Variants in GPR135 observed in about 807,000 individuals in gnomAD.
GPR135 encodes G-protein coupled receptor 135.
In GPR135, 17 loss-of-function variants were observed where a neutral mutation model predicts 15.0. That is an observed-to-expected ratio of 1.13 (90% CI 0.78 to 1.70). GPR135 has a LOEUF of 1.70. Among genes scored for constraint, GPR135 ranks in the 40% most tolerant of loss-of-function variants. The pLI is 0.00. For synonymous variants in GPR135, 368 were observed against 349.4 expected, an observed-to-expected ratio of 1.05 and a Z score of -0.59; for missense variants, 776 against 727.0, an observed-to-expected ratio of 1.07 and a Z score of -0.78.
intron 6 of GPR135, among the ~76,000 whole-genome samples, chr14:59,454,946 A>G (rs1360063187): frequency 6.6e-6 from 1 of 152,026 alleles, no homozygotes. Context: ...CTAAAATACA[A>G]AAAATTAGCC....
At chr14:59,456,220 T>TA (rs138733432), downstream of GPR135, among the ~76,000 whole-genome samples, 159 of 150,448 alleles carry the variant, frequency 1.1e-3, no homozygotes, top group Non-Finnish European at 1.6e-3. Flanking sequence ...CCTAATGAGT[T>TA]AAAAAAAAAC....
downstream of GPR135, among the ~76,000 whole-genome samples, chr14:59,459,797 C>T (rs150771399): frequency 5.9e-5 from 9 of 152,222 alleles, no homozygotes; most frequent in African/African-American, 7.2e-5. Flanking sequence ...TGAGAGATTA[C>T]GGCATGCTTA....
At position 59,464,008 on chromosome 14, in the gene GPR135, G is replaced by C. The variant is rs202021630; in HGVS notation, c.1219C>G (p.Arg407Gly). The change falls in exon 1 of 1, where the codon CGG becomes GGG. Residue 407 changes from arginine to glycine, a missense_variant. Coordinates refer to ENST00000395116, the MANE Select transcript of GPR135 (RefSeq NM_022571.6). ...AGGAAAGCGTCCACATTCCTAGTCC[G>C]GTAGCCCTCCTCGCGGTTGCGCCCT... is the stretch of plus-strand genomic sequence containing the variant. ...LLGRNREEGYRTRNVDAFLPS... is the reference protein window; with the variant it reads ...LLGRNREEGYGTRNVDAFLPS... 1.5e-5 allele frequency: 24 copies of C among 1,613,862 alleles called. No homozygotes were observed. The East Asian group carries it at 5.1e-4, about 34-fold the overall frequency.
rs1888860251 is a variant in GPR135 at position 59,461,606 on chromosome 14, TC to T, written c.*2135del. 6.6e-6 allele frequency: 1 copy of T among 152,174 alleles called. No homozygotes were observed. Among genetic ancestry groups the T allele is most frequent in the African/African-American group, 2.4e-5 (1 of 41,444 alleles). The allele number at this position is 152,174 out of a possible 1,614,324, so 9.4% of individuals were successfully genotyped here. ...TTGTCACTTCCAATCTCTCAGATTT[TC>T]CCTTCACTCACCAGGTAGGTTTATT... On this transcript the variant is annotated 3_prime_UTR_variant, in exon 1 of 1. Coordinates refer to ENST00000395116, the MANE Select transcript of GPR135 (RefSeq NM_022571.6).
rs1463781936 is a variant in GPR135, at chr14:59,464,384, C to T, written c.843G>A (p.Leu281=). ...AQLGAAFSVG[L]VVACYLLPFL... ...AGGGCAGCAGGTAGCAGGCCACCAC[C>T]AGCCCCACGCTGAAGGCCGCGCCCA... The change falls in exon 1 of 1, where the codon CTG becomes CTA. Residue 281 remains leucine (L), a synonymous_variant. Transcript: ENST00000395116. 1.2e-6 allele frequency: 2 copies of T among 1,604,472 alleles called. No individual in the cohort carries two copies. The highest frequency in any genetic ancestry group is 4.5e-5 in the East Asian group (2 of 44,538).
Position 59,464,851 on chromosome 14 carries a change from C to A in GPR135, c.376G>T (p.Gly126Trp), listed in dbSNP as rs146719874. The A allele has an allele frequency of 1.0e-4, 166 of 1,603,286 alleles. 2 individuals are homozygous for A. Among genetic ancestry groups the A allele is most frequent in the Non-Finnish European group, 1.3e-4 (149 of 1,175,296 alleles). Residue 126 changes from glycine to tryptophan, a missense_variant, in exon 1 of 1, where the codon GGG (glycine) becomes TGG (tryptophan). Gly to Trp is a radical substitution (Grantham distance 184). Coordinates refer to ENST00000395116, the MANE Select transcript of GPR135 (RefSeq NM_022571.6). ...LSSLGNCAVM[G>W]VIVKHRQLRT... ...AGCTGCCGGTGCTTCACAATCACCC[C>A]CATCACCGCGCAGTTGCCAAGGCTA... is the stretch of plus-strand genomic sequence containing the variant.
At position 59,464,937 on chromosome 14, in the gene GPR135, A is replaced by AGCAGCGGCGCCGCCTCCGGGC; in HGVS notation, c.269_289dup (p.Leu96_Leu97insArgProGluAlaAlaProLeu). On this transcript the variant is annotated inframe_insertion, in exon 1 of 1. Transcript: ENST00000395116. ...GGCCGCCACTGCAGCTCCGTGCGAC[A>AGCAGCGGCGCCGCCTCCGGGC]GCAGCGGCGCCGCCTCCGGGCCTAG... is the stretch of plus-strand genomic sequence containing the variant. The AGCAGCGGCGCCGCCTCCGGGC allele has an allele frequency of 6.4e-7, 1 of 1,565,014 alleles. No individual in the cohort carries two copies. The highest frequency in any genetic ancestry group is 8.6e-7 in the Non-Finnish European group (1 of 1,159,026).
At position 59,464,931 on chromosome 14, in the gene GPR135, T is replaced by A; in HGVS notation, c.296A>T (p.His99Leu). Residue 99 changes from histidine to leucine, a missense_variant, in exon 1 of 1, where the codon CAC (histidine) becomes CTC (leucine). His to Leu is a moderately conservative substitution (Grantham distance 99, BLOSUM62 -3). Transcript: ENST00000395116. Reference protein sequence around the residue: ...LGPEAAPLLSHGAAVAAQALV... With the variant: ...LGPEAAPLLSLGAAVAAQALV... The stretch of plus-strand genomic sequence containing the variant: ...CGCCTGGGCCGCCACTGCAGCTCCG[T>A]GCGACAGCAGCGGCGCCGCCTCCGG... 6.3e-7 allele frequency: 1 copy of A among 1,577,242 alleles called. No individual in the cohort carries two copies. Among genetic ancestry groups the A allele is most frequent in the Non-Finnish European group, 8.6e-7 (1 of 1,165,156 alleles).
In GPR135 at chr14:59,464,130, G is replaced by T; in HGVS notation, c.1097C>A (p.Ser366Ter). The change falls in exon 1 of 1, where the codon TCG becomes TAG. Residue 366 changes from serine to a stop codon, truncating the protein, a stop_gained. Coordinates refer to ENST00000395116, the MANE Select transcript of GPR135 (RefSeq NM_022571.6). LOFTEE classifies it high-confidence loss of function. ...CCAGACGGCCACCACGCTGAGGAGC[G>T]AGGGGGCCTGCATGGTCTGGGCCTG... ...ARQAQTMQAPSLLSVVAVWLT... is the reference protein window; with the variant it reads ...ARQAQTMQAP The T allele has an allele frequency of 6.2e-7, 1 of 1,610,076 alleles. No homozygotes were observed. The highest frequency in any genetic ancestry group is 1.1e-5 in the South Asian group (1 of 91,068).
At position 59,465,122 on chromosome 14, in the gene GPR135, G is replaced by C. The variant is rs3742645; in HGVS notation, c.105C>G (p.Ser35=). The part of the protein sequence containing the change: ...SAAGPPGGTS[S]AATAAVLSFS... ...AGGAGAGCACGGCCGCCGTGGCCGC[G>C]GAGGAAGTCCCGCCAGGTGGGCCGG... Residue 35 remains serine, a synonymous_variant, in exon 1 of 1, where the codon TCC becomes TCG. Coordinates refer to ENST00000395116, the MANE Select transcript of GPR135 (RefSeq NM_022571.6). The C allele has an allele frequency of 5.8e-6, 8 of 1,377,610 alleles. No individual in the cohort carries two copies. The highest frequency in any genetic ancestry group is 6.6e-6 in the Non-Finnish European group (7 of 1,064,512). The allele number at this position is 1,377,610 out of a possible 1,614,324, so 85.3% of individuals were successfully genotyped here.
rs1021754184 is a variant in GPR135, at chr14:59,463,597, T to C, written c.*145A>G. Reference sequence around the variant, plus strand: ...TTTGAAGAAGGGACATTGTCTTTTATGTTGTTTGGGGAAAGTGGTAAGCCT... The same window carrying C: ...TTTGAAGAAGGGACATTGTCTTTTACGTTGTTTGGGGAAAGTGGTAAGCCT... On this transcript the variant is annotated 3_prime_UTR_variant, in exon 1 of 1. Coordinates refer to ENST00000395116, the MANE Select transcript of GPR135 (RefSeq NM_022571.6). The C allele has an allele frequency of 1.5e-5, 11 of 748,206 alleles. No homozygotes were observed. Among genetic ancestry groups the C allele is most frequent in the Admixed American group, 3.2e-5 (1 of 30,844 alleles). The allele number at this position is 748,206 out of a possible 1,614,324, so 46.3% of individuals were successfully genotyped here. A position where few individuals can be genotyped will look rare whatever the true frequency, so the allele number is the denominator to read the frequency against.
chr14:59,463,796 C>T lies in GPR135; in HGVS notation c.1431G>A (p.Pro477=), dbSNP rs769550669. The change falls in exon 1 of 1, where the codon CCG becomes CCA. Residue 477 remains proline (P), a synonymous_variant. Coordinates refer to ENST00000395116, the MANE Select transcript of GPR135 (RefSeq NM_022571.6). ...VLFCREGPPE[P]VTAVTKQPKS... is the part of the protein sequence containing the mutation. ...TAGGCTGTTTGGTCACTGCCGTCAC[C>T]GGCTCTGGTGGTCCCTCTCGGCAGA... 2.5e-6 allele frequency: 4 copies of T among 1,613,562 alleles called. No homozygotes were observed. Among genetic ancestry groups the T allele is most frequent in the Non-Finnish European group, 2.5e-6 (3 of 1,179,722 alleles).
chr14:59,453,862 T>C (rs1339224425), intron 6 of GPR135, among the ~76,000 whole-genome samples: 1 of 152,202 alleles, frequency 6.6e-6, no homozygotes, highest in Non-Finnish European at 1.5e-5. Flanking sequence ...TTTAAAGTAA[T>C]TTTTAAAATG....
downstream of GPR135, among the ~76,000 whole-genome samples, chr14:59,457,047 T>C (rs994651253): frequency 1.3e-5 from 2 of 152,188 alleles, no homozygotes; most frequent in East Asian, 1.9e-4. Context: ...AGACTTTTAA[T>C]GTGTATTTGT....
At chr14:59,460,639 C>T (rs554632411), downstream of GPR135, 1 of 152,282 alleles carries the variant, frequency 6.6e-6, no homozygotes, top group African/African-American at 2.4e-5. Flanking sequence ...AATAAGATTG[C>T]TCTGAGGATT....
chr14:59,458,288 T>C (rs548926416), downstream of GPR135, among the ~76,000 whole-genome samples: 74 of 152,352 alleles, frequency 4.9e-4, no homozygotes, highest in African/African-American at 1.8e-3. Flanking sequence ...GGGCATAAAT[T>C]GCTCCACAGT....
intron 6 of GPR135, among the ~76,000 whole-genome samples, chr14:59,454,173 C>T (rs1327221375): frequency 1.3e-5 from 2 of 152,212 alleles, no homozygotes; most frequent in Non-Finnish European, 2.9e-5. Flanking sequence ...GAATCAGCTG[C>T]CAGCACTGCT....
At position 59,465,300 on chromosome 14, in the gene GPR135, G is replaced by C; in HGVS notation, c.-74C>G. ...GGCCGCTAGGTCGGAGTGGTGGCTCGGGGCCGGGGGCTAGCGGCCGCCGCG... is the reference window on the plus strand; with the variant it reads ...GGCCGCTAGGTCGGAGTGGTGGCTCCGGGCCGGGGGCTAGCGGCCGCCGCG... On this transcript the variant is annotated 5_prime_UTR_variant, in exon 1 of 1. Transcript: ENST00000395116. The C allele has an allele frequency of 9.0e-7, 1 of 1,115,828 alleles. No individual in the cohort carries two copies. The highest frequency in any genetic ancestry group is 1.1e-6 in the Non-Finnish European group (1 of 886,652). 69.1% of individuals were successfully genotyped at this position (1,115,828 alleles called of 1,614,324 possible).
downstream of GPR135, chr14:59,456,342 T>C (rs980578217): frequency 3.3e-5 from 5 of 152,232 alleles, no homozygotes; most frequent in Non-Finnish European, 7.3e-5. Flanking sequence ...TATCAAACTA[T>C]GTGTGGTGAA....
Sources: gnomAD v4.1 joint callset for allele counts (sites outside exome capture counted in the v4.1 genomes callset) on GRCh38, gnomAD v4.1.1 for gene constraint, MANE v1.5 for transcripts, NCBI Gene and HGNC (gene_info 2026-07-23, HGNC 2026-07-21) for gene names.